Variants in PDE1A observed in about 807,000 individuals in gnomAD.
PDE1A encodes phosphodiesterase 1A, also known as dual specificity calcium/calmodulin-dependent 3',5'-cyclic nucleotide phosphodiesterase 1A.
PDE1A carries 35 observed loss-of-function variants against 61.7 expected under a neutral mutation model. That is an observed-to-expected ratio of 0.57 (90% CI 0.43 to 0.75). The LOEUF (loss-of-function observed/expected upper bound fraction) is 0.75. Among genes scored for constraint, PDE1A ranks in the 30% least tolerant of loss-of-function variants. PDE1A has a pLI of 0.00. For missense variants in PDE1A, 597 were observed against 630.6 expected, an observed-to-expected ratio of 0.95 and a Z score of 0.57; for synonymous variants, 232 against 213.2, an observed-to-expected ratio of 1.09 and a Z score of -0.77.
chr2:182,325,192 A>G (rs2124882553), intron 1 of PDE1A, among the ~76,000 whole-genome samples: 1 of 152,358 alleles, frequency 6.6e-6, no homozygotes, highest in South Asian at 2.1e-4. Context: ...GTATGAGAGT[A>G]ATGGAAAATA....
At chr2:182,576,292 C>T in the PDE1A span, among the ~76,000 whole-genome samples, 2 of 152,076 alleles carry the variant, frequency 1.3e-5, no homozygotes, top group South Asian at 2.1e-4. Flanking sequence ...ACTGTAGGTA[C>T]CTCTTACAAG....
chr2:182,339,778 T>C (rs1559353953), intron 1 of PDE1A, among the ~76,000 whole-genome samples: 1 of 152,174 alleles, frequency 6.6e-6, no homozygotes, highest in East Asian at 1.9e-4. Context: ...TTTAAAAATA[T>C]TAACACTCCA....
At chr2:182,395,989 G>A (rs548553840) in intron 1 of PDE1A, among the ~76,000 whole-genome samples, 65 of 152,324 alleles carry the variant, frequency 4.3e-4, no homozygotes, top group Non-Finnish European at 6.9e-4. Context: ...GTCATGCACA[G>A]CAGCATTCAG....
chr2:182,296,138 A>G (rs756499035), intron 1 of PDE1A, among the ~76,000 whole-genome samples: 23 of 152,204 alleles, frequency 1.5e-4, no homozygotes, highest in Non-Finnish European at 3.1e-4. Flanking sequence ...CGTGTAACGC[A>G]TTAGAGTCCA....
At chr2:182,487,373 C>G (rs760548454) in intron 2 of PDE1A, among the ~76,000 whole-genome samples, 2 of 152,100 alleles carry the variant, frequency 1.3e-5, no homozygotes, top group African/African-American at 4.8e-5. Context: ...ATGGATTAAA[C>G]CAACACTTAC....
At chr2:182,317,804 A>G (rs1456375523) in intron 1 of PDE1A, among the ~76,000 whole-genome samples, 1 of 152,080 alleles carries the variant, frequency 6.6e-6, no homozygotes, top group Non-Finnish European at 1.5e-5. Flanking sequence ...ATAAATAGAC[A>G]TGAGAAAGCT....
At chr2:182,625,132 C>T in the PDE1A span, among the ~76,000 whole-genome samples, 1 of 152,166 alleles carries the variant, frequency 6.6e-6, no homozygotes, top group Non-Finnish European at 1.5e-5. Context: ...TGTGAAGATA[C>T]TGCAAGAAGG....
At chr2:182,459,639 T>A (rs974987896) in intron 2 of PDE1A, among the ~76,000 whole-genome samples, 2 of 152,124 alleles carry the variant, frequency 1.3e-5, no homozygotes, top group African/African-American at 4.8e-5. Context: ...TGACTAAGCC[T>A]AGGCCCCTAA....
the PDE1A span, among the ~76,000 whole-genome samples, chr2:182,533,540 T>C: frequency 6.6e-6 from 1 of 152,080 alleles, no homozygotes; most frequent in Admixed American, 6.6e-5. Context: ...GCTCATATTA[T>C]GGAAAATTAA....
chr2:182,162,348 C>A (rs372882408), intron 13 of PDE1A, among the ~76,000 whole-genome samples: 14 of 151,692 alleles, frequency 9.2e-5, no homozygotes, highest in Middle Eastern at 3.4e-3. Flanking sequence ...CTTGTGTAGA[C>A]CTCCAGCACT....
At position 182,201,668 on chromosome 2, in the gene PDE1A, A is replaced by AAC; in HGVS notation, c.1004+19_1004+20insGT. 15 of 1,542,076 alleles carry AAC rather than the reference A, an allele frequency of 9.7e-6. No individual in the cohort carries two copies. The highest frequency in any genetic ancestry group is 3.6e-5 in the South Asian group (3 of 82,854). On this transcript the variant is annotated intron_variant, in intron 9 of 13. Coordinates refer to ENST00000351439, the Ensembl canonical transcript of PDE1A. ...AACATGACAAAAAAAAAAAAACAAC[A>AAC]AAAAAAACACAAAACCTACCCTTCA...
At chr2:182,168,985 C>T (rs978452928) in intron 13 of PDE1A, among the ~76,000 whole-genome samples, 2 of 151,792 alleles carry the variant, frequency 1.3e-5, no homozygotes, top group African/African-American at 2.4e-5. Flanking sequence ...GTCTTGTGTG[C>T]ATGTGTGTGT....
At chr2:182,585,385 A>G in the PDE1A span, among the ~76,000 whole-genome samples, 1 of 152,358 alleles carries the variant, frequency 6.6e-6, no homozygotes, top group African/African-American at 2.4e-5. Flanking sequence ...AGATTTCTCC[A>G]TTAAAATTCA....
At chr2:182,682,990 A>AAT in the PDE1A span, among the ~76,000 whole-genome samples, 2 of 152,158 alleles carry the variant, frequency 1.3e-5, no homozygotes, top group African/African-American at 4.8e-5. Flanking sequence ...TCTAACATAA[A>AAT]ATTGTGCATA....
chr2:182,328,447 T>C (rs145516379), intron 1 of PDE1A, among the ~76,000 whole-genome samples: 4 of 152,208 alleles, frequency 2.6e-5, no homozygotes, highest in Non-Finnish European at 4.4e-5. Context: ...TGATGGATTA[T>C]TGAGTATAAG....
intron 1 of PDE1A, among the ~76,000 whole-genome samples, chr2:182,395,457 C>T (rs914564038): frequency 1.3e-5 from 2 of 152,150 alleles, no homozygotes; most frequent in Admixed American, 1.3e-4. Context: ...GACCTTCTAC[C>T]TCAGGGAAGT....
intron 2 of PDE1A, among the ~76,000 whole-genome samples, chr2:182,509,869 AC>A (rs1201224223): frequency 6.6e-6 from 1 of 152,166 alleles, no homozygotes; most frequent in African/African-American, 2.4e-5. Context: ...CAGAATTAGT[AC>A]ATTATTGTTT....
intron 2 of PDE1A, among the ~76,000 whole-genome samples, chr2:182,470,397 C>G (rs531623650): frequency 6.6e-6 from 1 of 151,746 alleles, no homozygotes; most frequent in South Asian, 2.1e-4. Flanking sequence ...TCTAAATGTT[C>G]GGTATAATTC....
At chr2:182,658,700 G>A in the PDE1A span, among the ~76,000 whole-genome samples, 1 of 152,186 alleles carries the variant, frequency 6.6e-6, no homozygotes, top group Non-Finnish European at 1.5e-5. Flanking sequence ...AGTGAGAAAT[G>A]TTTGTCATTT....
Sources: gnomAD v4.1 joint callset for allele counts (sites outside exome capture counted in the v4.1 genomes callset) on GRCh38, gnomAD v4.1.1 for gene constraint, MANE v1.5 for transcripts, NCBI Gene and HGNC (gene_info 2026-07-23, HGNC 2026-07-21) for gene names.